Variants in FGF12 observed in about 807,000 individuals in gnomAD.
The protein encoded by FGF12 is fibroblast growth factor 12B.
Under a neutral mutation model 23.6 loss-of-function variants are expected in FGF12, and 14 were observed. The ratio of observed to expected loss-of-function variants is 0.59; its 90% CI spans 0.39 to 0.93. The LOEUF (loss-of-function observed/expected upper bound fraction) is 0.93. FGF12 is among the 40% of genes least tolerant of loss of function. FGF12 has a pLI of 0.00. For missense variants in FGF12, 175 were observed against 217.8 expected, an observed-to-expected ratio of 0.80 and a Z score of 1.24; for synonymous variants, 62 against 77.3, an observed-to-expected ratio of 0.80 and a Z score of 1.04.
chr3:192,578,283 C>T, intron 2 of FGF12, among the ~76,000 whole-genome samples: 1 of 152,204 alleles, frequency 6.6e-6, no homozygotes, highest in Non-Finnish European at 1.5e-5. Context: ...CTAAACTTCC[C>T]TGTCGATAGG....
chr3:192,302,633 T>C (rs528790277), intron 4 of FGF12, among the ~76,000 whole-genome samples: 2 of 152,276 alleles, frequency 1.3e-5, no homozygotes, highest in Admixed American at 6.5e-5. Flanking sequence ...TTCAACGGGC[T>C]CAGAATGGAA....
rs115400941 is a variant in FGF12 at position 192,335,326 on chromosome 3, C to T, written c.228+35G>A. 5.6e-3 allele frequency: 7,741 copies of T among 1,392,202 alleles called. 265 individuals carry two copies. The African/African-American group carries it at 0.086, about 16-fold the overall frequency. 86.2% of individuals were successfully genotyped at this position (1,392,202 alleles called of 1,614,324 possible). ...CATTACCTCTCAGTGGTAGTTCACA[C>T]ACATACACACAAATACACACTACAA... On this transcript the variant is annotated intron_variant, in intron 4 of 5. Coordinates refer to ENST00000445105, the MANE Select transcript of FGF12 (RefSeq NM_004113.6).
intron 4 of FGF12, among the ~76,000 whole-genome samples, chr3:192,270,815 G>A (rs577248988): frequency 2.0e-5 from 3 of 147,008 alleles, no homozygotes; most frequent in African/African-American, 7.4e-5. Flanking sequence ...AAGGAAGGAA[G>A]GAAAGAAGGA....
intron 2 of FGF12, among the ~76,000 whole-genome samples, chr3:192,600,749 A>G (rs184068310): frequency 5.3e-5 from 8 of 152,298 alleles, no homozygotes; most frequent in African/African-American, 1.7e-4. Context: ...ACAATGAAGT[A>G]TCACCTCACC....
In FGF12 at chr3:192,376,576, G is replaced by A. The variant is rs559262187; in HGVS notation, c.14-16038C>T. ...GGGGTTGCTCCATGTTGGTCAGGCT[G>A]GTCTCAAACTCCCGGCCTCAGGTGA... is the stretch of plus-strand genomic sequence containing the variant. On this transcript the variant is annotated intron_variant, in intron 2 of 5. Transcript: ENST00000445105. 2.0e-5 allele frequency among the ~76,000 whole-genome samples: 3 copies of A among 152,030 alleles called. No individual in the cohort carries two copies. In the East Asian group the frequency reaches 5.8e-4, roughly 29 times the overall value.
intron 4 of FGF12, 71 bp downstream of exon 4, chr3:192,335,290 G>A (rs1203301637): frequency 1.1e-5 from 11 of 977,206 alleles, no homozygotes; most frequent in Non-Finnish European, 1.6e-5. Flanking sequence ...TGCCTAACAT[G>A]ATGGTTACTC....
At chr3:192,510,066 A>G (rs1201950314) in intron 2 of FGF12, among the ~76,000 whole-genome samples, 1 of 152,168 alleles carries the variant, frequency 6.6e-6, no homozygotes, top group Non-Finnish European at 1.5e-5. Context: ...GGGAGTAACC[A>G]CTGCCTTGAA....
intron 4 of FGF12, among the ~76,000 whole-genome samples, chr3:192,246,879 G>C (rs1711623073): frequency 6.8e-6 from 1 of 146,220 alleles, no homozygotes; most frequent in Non-Finnish European, 1.5e-5. Context: ...GAAAGAAAGA[G>C]AGAGAAAGAG....
At chr3:192,618,053 G>T (rs775701697) in intron 2 of FGF12, among the ~76,000 whole-genome samples, 29 of 152,158 alleles carry the variant, frequency 1.9e-4, no homozygotes, top group Non-Finnish European at 3.8e-4. Context: ...AAAGGAATGC[G>T]TTAACTTGGA....
Position 192,514,964 on chromosome 3 carries a change from T to G in FGF12, c.14-154426A>C. On this transcript the variant is annotated intron_variant, in intron 2 of 5. Transcript: ENST00000445105. This position sits in a 1 kb window ranked among gnomAD's most constrained non-coding sequence, Gnocchi z 4.9. ...AGTGCCGGTCCGCCGGGGGCAGCCC[T>G]CCGAGAGCCCGAGGCGCTGCCACCC... 1.4e-6 allele frequency: 1 copy of G among 723,724 alleles called. No homozygotes were observed. Among genetic ancestry groups the G allele is most frequent in the Non-Finnish European group, 1.7e-6 (1 of 590,968 alleles). The allele number at this position is 723,724 out of a possible 1,614,324, so 44.8% of individuals were successfully genotyped here.
In FGF12 at chr3:192,604,416, T is replaced by A. The variant is rs552470757; in HGVS notation, c.13+122765A>T. Among the ~76,000 whole-genome samples the A allele has an allele frequency of 1.3e-3, 200 of 152,330 alleles. 1 individual carries two copies. Among genetic ancestry groups the A allele is most frequent in the African/African-American group, 4.5e-3 (188 of 41,572 alleles). On this transcript the variant is annotated intron_variant, in intron 2 of 5. Coordinates refer to ENST00000445105, the MANE Select transcript of FGF12 (RefSeq NM_004113.6). Reference sequence around the variant, plus strand: ...CTGATAAATGTCCATGAAATCTTCATAATTTATGTTCCTCTTCTTCAGCTC... The same window carrying A: ...CTGATAAATGTCCATGAAATCTTCAAAATTTATGTTCCTCTTCTTCAGCTC...
intron 4 of FGF12, among the ~76,000 whole-genome samples, chr3:192,251,787 GA>G (rs1015480295): frequency 5.3e-5 from 8 of 150,472 alleles, no homozygotes; most frequent in Non-Finnish European, 1.5e-5. Context: ...TTCAAAAACA[GA>G]AAAAAAAATA....
intron 2 of FGF12, among the ~76,000 whole-genome samples, chr3:192,450,843 T>A (rs1473683981): frequency 6.6e-6 from 1 of 152,208 alleles, no homozygotes; most frequent in South Asian, 2.1e-4. Flanking sequence ...AATCCTATAC[T>A]TATTTCAGTT....
intron 2 of FGF12, among the ~76,000 whole-genome samples, chr3:192,619,797 C>T (rs917574587): frequency 2.6e-5 from 4 of 152,024 alleles, no homozygotes; most frequent in Non-Finnish European, 4.4e-5. Flanking sequence ...CTTGTTAGAC[C>T]TATGTTTTCT....
At chr3:192,223,477 G>A (rs1391670941) in intron 4 of FGF12, among the ~76,000 whole-genome samples, 1 of 152,130 alleles carries the variant, frequency 6.6e-6, no homozygotes, top group Non-Finnish European at 1.5e-5. Context: ...TCCAGATCAT[G>A]AGATCTTACT....
At chr3:192,718,161 C>CTT (rs71177369) in intron 2 of FGF12, among the ~76,000 whole-genome samples, 4,396 of 77,938 alleles carry the variant, frequency 0.056, 378 homozygotes, top group East Asian at 0.16. Flanking sequence ...GTTAGTCTTT[C>CTT]TTTTTTTTTT....
intron 2 of FGF12, among the ~76,000 whole-genome samples, chr3:192,592,931 C>T (rs1482858987): frequency 6.6e-6 from 1 of 151,850 alleles, no homozygotes; most frequent in Admixed American, 6.6e-5. Flanking sequence ...AATTCCTCAC[C>T]TGCCTGCCAT....
At chr3:192,299,553 T>C (rs1316917065) in intron 4 of FGF12, among the ~76,000 whole-genome samples, 1 of 152,218 alleles carries the variant, frequency 6.6e-6, no homozygotes, top group Non-Finnish European at 1.5e-5. Context: ...TACACCATAA[T>C]TACTTATATG....
intron 4 of FGF12, among the ~76,000 whole-genome samples, chr3:192,283,422 T>G (rs1714268686): frequency 6.6e-6 from 1 of 152,134 alleles, no homozygotes; most frequent in African/African-American, 2.4e-5. Flanking sequence ...AAGGATAAGG[T>G]TGAGCACAGG....
Sources: allele counts gnomAD v4.1 joint callset (sites outside exome capture counted in the v4.1 genomes callset), GRCh38; gene constraint gnomAD v4.1.1; non-coding constraint Gnocchi (gnomAD v3.1); transcripts MANE v1.5; gene names NCBI Gene and HGNC (gene_info 2026-07-23, HGNC 2026-07-21).